Variants in RDX observed in about 807,000 individuals in gnomAD.
RDX encodes radixin, also known as deafness, autosomal recessive 24.
RDX carries 32 observed loss-of-function variants against 83.7 expected under a neutral mutation model. That is an observed-to-expected ratio of 0.38 (90% confidence interval 0.29 to 0.51). RDX has a LOEUF of 0.51. RDX is among the 20% of genes least tolerant of loss of function. RDX has a pLI of 0.87. For missense variants in RDX, 600 were observed against 689.9 expected (o/e 0.87, Z 1.46); for synonymous variants, 229 against 222.7 (o/e 1.03, Z -0.25).
chr11:110,237,520 G>A lies in RDX; in HGVS notation c.1223C>T (p.Ala408Val), dbSNP rs766364205. Residue 408 changes from alanine to valine, a missense_variant, in exon 11 of 14, where the codon GCC becomes GTC. By Grantham distance (64) the Ala-to-Val change is moderately conservative. Transcript: ENST00000645495. ...CTGCTCCTGATTCTTCATCTGGTCGGCAGCTTGTTTTGCTATGGCAGACTT... is the reference window on the plus strand; with the variant it reads ...CTGCTCCTGATTCTTCATCTGGTCGACAGCTTGTTTTGCTATGGCAGACTT... Reference protein sequence around the residue: ...EAKSAIAKQAADQMKNQEQLA... With the variant: ...EAKSAIAKQAVDQMKNQEQLA... 3 of 1,612,644 alleles carry A rather than the reference G, an allele frequency of 1.9e-6. No individual in the cohort carries two copies. The highest frequency in any genetic ancestry group is 2.5e-6 in the Non-Finnish European group (3 of 1,180,020).
chr11:110,245,698 A>C (rs1859078847), intron 10 of RDX, among the ~76,000 whole-genome samples: 1 of 152,290 alleles, frequency 6.6e-6, no homozygotes, highest in African/African-American at 2.4e-5. Context: ...AACTATGTAA[A>C]ATAATTGTAT....
At chr11:110,261,971 T>C (rs1430249502) in intron 5 of RDX, among the ~76,000 whole-genome samples, 3 of 152,176 alleles carry the variant, frequency 2.0e-5, no homozygotes, top group Non-Finnish European at 4.4e-5. Flanking sequence ...GGCTTAACAC[T>C]GAAAGATCAA....
intron 12 of RDX, 137 bp downstream of exon 12, chr11:110,235,962 A>C (rs1393067698): frequency 2.9e-6 from 2 of 683,846 alleles, no homozygotes; most frequent in Non-Finnish European, 5.2e-6. Context: ...CTGTAGATAG[A>C]TATTTACAAT....
chr11:110,180,193 C>T (rs919557276), intron 15 of RDX, among the ~76,000 whole-genome samples: 4 of 152,058 alleles, frequency 2.6e-5, no homozygotes, highest in Admixed American at 1.3e-4. Flanking sequence ...TGAGCCATGG[C>T]GCCTGGCCCT....
rs940919907 is a variant in RDX, at chr11:110,272,617, G to T, written c.15C>A (p.Ile5=). The T allele has an allele frequency of 1.9e-6, 3 of 1,603,358 alleles. No individual in the cohort carries two copies. The highest frequency in any genetic ancestry group is 8.5e-7 in the Non-Finnish European group (1 of 1,172,174). ...CATCCATTGTAGTTACTCTTACGTT[G>T]ATCTGTAATAAAAATAAAAGGAATA... is the stretch of plus-strand genomic sequence containing the variant. MPKP[I]NVRVTTMDAE... is the part of the protein sequence containing the mutation. The change falls in exon 3 of 14, where the codon ATC becomes ATA. Residue 5 remains isoleucine, a splice_region_variant and synonymous_variant. Coordinates refer to ENST00000645495, the MANE Select transcript of RDX (RefSeq NM_002906.4).
intron 15 of RDX, chr11:110,179,908 T>TTC: frequency 1.2e-5 from 5 of 418,638 alleles, no homozygotes; most frequent in Middle Eastern, 1.0e-3. Flanking sequence ...TTTTTCTTTT[T>TTC]TTTTTTTTTT....
At chr11:110,245,243 C>A (rs971303295) in intron 10 of RDX, among the ~76,000 whole-genome samples, 1 of 152,094 alleles carries the variant, frequency 6.6e-6, no homozygotes, top group African/African-American at 2.4e-5. Flanking sequence ...TGAGCCACCA[C>A]GCCTGGCCAA....
At chr11:110,271,700 T>C (rs1435547816) in intron 3 of RDX, among the ~76,000 whole-genome samples, 1 of 152,126 alleles carries the variant, frequency 6.6e-6, no homozygotes, top group Non-Finnish European at 1.5e-5. Flanking sequence ...CACTCAAGAC[T>C]GAGAAGAAAG....
intron 2 of RDX, among the ~76,000 whole-genome samples, chr11:110,276,589 T>G (rs1003037952): frequency 5.3e-5 from 8 of 152,202 alleles, no homozygotes; most frequent in Admixed American, 3.3e-4. Flanking sequence ...TTAACATTTT[T>G]ATTAATATAG....
intron 3 of RDX, 79 bp from the exon 4 acceptor site, chr11:110,264,953 G>C (rs1859967150): frequency 2.9e-6 from 3 of 1,025,024 alleles, no homozygotes; most frequent in East Asian, 2.4e-5. Flanking sequence ...CACTTCAAAA[G>C]GAGAACAAAA....
intron 14 of RDX, among the ~76,000 whole-genome samples, chr11:110,220,953 G>C (rs1036515750): frequency 4.0e-5 from 6 of 151,344 alleles, no homozygotes; most frequent in African/African-American, 1.5e-4. Context: ...CCCTAATTTG[G>C]GGATAACCAT....
chr11:110,264,760 G>A lies in RDX; in HGVS notation c.192+19C>T. 2 of 1,509,598 alleles carry A rather than the reference G, an allele frequency of 1.3e-6. No individual in the cohort carries two copies. The highest frequency in any genetic ancestry group is 2.3e-5 in the South Asian group (2 of 87,868). The allele number at this position is 1,509,598 out of a possible 1,614,324, so 93.5% of individuals were successfully genotyped here. ...AACTTAACATAATTATTAGTTTAATGTTATCGTACATATTTTACCTTTTTA... is the reference window on the plus strand; with the variant it reads ...AACTTAACATAATTATTAGTTTAATATTATCGTACATATTTTACCTTTTTA... On this transcript the variant is annotated intron_variant, in intron 4 of 13. Transcript: ENST00000645495.
intron 10 of RDX, among the ~76,000 whole-genome samples, chr11:110,244,363 C>CAAAAAAA (rs71053874): frequency 2.7e-4 from 14 of 51,314 alleles, no homozygotes; most frequent in South Asian, 1.2e-3. Flanking sequence ...GATTCTGGCT[C>CAAAAAAA]AAAAAAAAAA....
intron 3 of RDX, among the ~76,000 whole-genome samples, chr11:110,268,873 T>C (rs935655119): frequency 1.7e-4 from 26 of 151,820 alleles, no homozygotes; most frequent in Non-Finnish European, 2.9e-5. Flanking sequence ...CACGTAACTA[T>C]AACATAGGTA....
chr11:110,256,044 C>A (rs1859533556), intron 7 of RDX, among the ~76,000 whole-genome samples: 2 of 152,156 alleles, frequency 1.3e-5, no homozygotes. Flanking sequence ...ACCCTACACA[C>A]AAAGATATAG....
chr11:110,245,658 TATC>T (rs1379998560), intron 10 of RDX, among the ~76,000 whole-genome samples: 1 of 152,186 alleles, frequency 6.6e-6, no homozygotes, highest in Non-Finnish European at 1.5e-5. Context: ...TTCATAACAT[TATC>T]ATGTTTCCTT....
downstream of RDX, among the ~76,000 whole-genome samples, chr11:110,227,631 CTAAGA>C (rs537783921): frequency 5.2e-3 from 785 of 152,186 alleles, 7 homozygotes; most frequent in African/African-American, 0.017. Context: ...TGATCTAAGG[CTAAGA>C]TAAGTTAATA....
At chr11:110,265,031 A>G (rs1859970180) in intron 3 of RDX, among the ~76,000 whole-genome samples, 157 bp from the exon 4 acceptor site, 1 of 151,956 alleles carries the variant, frequency 6.6e-6, no homozygotes, top group African/African-American at 2.4e-5. Context: ...TATTAAAGGA[A>G]CATTTTTGAA....
chr11:110,205,071 T>G (rs1359119343), intron 14 of RDX, among the ~76,000 whole-genome samples: 1 of 151,844 alleles, frequency 6.6e-6, no homozygotes, highest in Non-Finnish European at 1.5e-5. Context: ...CACTGACCAA[T>G]GCAACAGATG....
Sources: gnomAD v4.1 joint callset for allele counts (sites outside exome capture counted in the v4.1 genomes callset) on GRCh38, gnomAD v4.1.1 for gene constraint, MANE v1.5 for transcripts, NCBI Gene and HGNC (gene_info 2026-07-23, HGNC 2026-07-21) for gene names.